MED12L: variants seen among roughly 807,000 people sequenced by gnomAD.
MED12L encodes mediator of RNA polymerase II transcription subunit 12-like protein.
Under a neutral mutation model 281.3 loss-of-function variants are expected in MED12L, and 60 were observed. The observed-to-expected ratio is 0.21, with a 90% CI of 0.17 to 0.26. The LOEUF is 0.26. MED12L is among the 10% of genes least tolerant of loss of function. MED12L has a pLI of 1.00. For missense variants in MED12L, 2,146 were observed against 2,680.9 expected (o/e 0.80, Z 4.41); for synonymous variants, 974 against 987.2 (o/e 0.99, Z 0.25).
chr3:151,389,676 T>G (rs1713926009), intron 37 of MED12L, among the ~76,000 whole-genome samples: 1 of 152,214 alleles, frequency 6.6e-6, no homozygotes, highest in South Asian at 2.1e-4. Context: ...TTTTCAGTGA[T>G]GAGTGTCGTT....
chr3:151,195,425 C>T (rs978934938), intron 16 of MED12L, among the ~76,000 whole-genome samples: 1 of 151,818 alleles, frequency 6.6e-6, no homozygotes, highest in African/African-American at 2.4e-5. Context: ...TATTTTTTTC[C>T]TTATTACAAT....
chr3:151,338,959 T>A, intron 16 of MED12L: 2 of 1,011,002 alleles, frequency 2.0e-6, no homozygotes, highest in Non-Finnish European at 3.0e-6. Flanking sequence ...CCTCTAAAAG[T>A]TGAGGTTTCT....
intron 16 of MED12L, chr3:151,199,209 C>T (rs1186054452): frequency 1.1e-5 from 17 of 1,613,874 alleles, no homozygotes; most frequent in Non-Finnish European, 1.3e-5. Flanking sequence ...AGCAGGAAAT[C>T]GGCTGTAAGC....
chr3:151,086,771 A>G, intron 1 of MED12L, 27 bp from the exon 2 acceptor site: 1 of 590,832 alleles, frequency 1.7e-6, no homozygotes, highest in Non-Finnish European at 3.0e-6. Flanking sequence ...GGCAGCATCC[A>G]ACCTGCTTTA....
chr3:151,093,724 C>A (rs898443339), intron 2 of MED12L, among the ~76,000 whole-genome samples: 5 of 152,224 alleles, frequency 3.3e-5, no homozygotes, highest in African/African-American at 1.2e-4. Flanking sequence ...CTCCCTTCTG[C>A]ATGCACTTGG....
At chr3:151,128,295 C>T (rs537190475) in intron 5 of MED12L, among the ~76,000 whole-genome samples, 1 of 152,334 alleles carries the variant, frequency 6.6e-6, no homozygotes, top group African/African-American at 2.4e-5. Flanking sequence ...AGCCTTCTAG[C>T]AGCTTTCTCT....
At position 151,141,187 on chromosome 3, in the gene MED12L, G is replaced by GTTTTTTTGTTTTTTT. The variant is rs376743895; in HGVS notation, c.556+13210_556+13211insGTTTTTTTTTTTTTT. On this transcript the variant is annotated intron_variant, in intron 5 of 44. Transcript: ENST00000687756. ...TGGCGTTTTTTTTTTTGTTTTTTTT[G>GTTTTTTTGTTTTTTT]TTTTTTTTTTTTTGTTAGTAGAGAC... is the stretch of plus-strand genomic sequence containing the variant. 1.9e-3 allele frequency among the ~76,000 whole-genome samples: 188 copies of GTTTTTTTGTTTTTTT among 99,072 alleles called. 12 individuals are homozygous for GTTTTTTTGTTTTTTT. The highest frequency in any genetic ancestry group is 6.4e-3 in the East Asian group (18 of 2,806). 65.0% of individuals were successfully genotyped at this position (99,072 alleles called of 152,430 possible). A position where few individuals can be genotyped will look rare whatever the true frequency, so the allele number is the denominator to read the frequency against.
At chr3:151,351,056 T>C (rs1203945279) in intron 17 of MED12L, among the ~76,000 whole-genome samples, 1 of 152,220 alleles carries the variant, frequency 6.6e-6, no homozygotes, top group African/African-American at 2.4e-5. Flanking sequence ...GTAAACAACA[T>C]TCTTCCTGCA....
chr3:151,216,699 G>A (rs1728300976), intron 16 of MED12L, among the ~76,000 whole-genome samples: 1 of 152,096 alleles, frequency 6.6e-6, no homozygotes, highest in African/African-American at 2.4e-5. Flanking sequence ...TTGGCTCTGG[G>A]CATGATGGGT....
intron 8 of MED12L, among the ~76,000 whole-genome samples, chr3:151,162,960 C>T (rs563530026): frequency 3.9e-5 from 6 of 152,132 alleles, no homozygotes; most frequent in South Asian, 2.1e-4. Flanking sequence ...GTTATGATGA[C>T]GGAAAGCTTC....
chr3:151,297,114 A>G (rs984696787), intron 16 of MED12L, among the ~76,000 whole-genome samples: 4 of 152,190 alleles, frequency 2.6e-5, no homozygotes, highest in African/African-American at 9.7e-5. Flanking sequence ...TTATATCTGG[A>G]CTAGCCTGTT....
chr3:151,153,083 G>A (rs1429660756), intron 5 of MED12L, among the ~76,000 whole-genome samples: 1 of 152,166 alleles, frequency 6.6e-6, no homozygotes, highest in Non-Finnish European at 1.5e-5. Context: ...CACAATTTTT[G>A]TACTACTAAA....
chr3:151,282,417 T>C (rs569106373), intron 16 of MED12L, among the ~76,000 whole-genome samples: 7 of 152,140 alleles, frequency 4.6e-5, no homozygotes, highest in Non-Finnish European at 7.4e-5. Flanking sequence ...TGTGTGTGTG[T>C]TTTGTATGTG....
At chr3:151,375,767 A>G (rs1266160916) in intron 27 of MED12L, among the ~76,000 whole-genome samples, 1 of 152,154 alleles carries the variant, frequency 6.6e-6, no homozygotes, top group Non-Finnish European at 1.5e-5. Flanking sequence ...TTAAAAACAT[A>G]CTAATATTCT....
chr3:151,387,221 G>GTAAA (rs1713547289), intron 36 of MED12L, among the ~76,000 whole-genome samples: 1 of 150,940 alleles, frequency 6.6e-6, no homozygotes, highest in African/African-American at 2.4e-5. Flanking sequence ...TCTAGAGTCA[G>GTAAA]TAAATATAAG....
chr3:151,396,815 C>A (rs1234451190), intron 39 of MED12L, among the ~76,000 whole-genome samples: 2 of 152,166 alleles, frequency 1.3e-5, no homozygotes, highest in African/African-American at 4.8e-5. Context: ...CCCACTGGGC[C>A]ATTATGGGTA....
At chr3:151,256,815 G>GTTT (rs56702829) in intron 16 of MED12L, among the ~76,000 whole-genome samples, 1 of 118,612 alleles carries the variant, frequency 8.4e-6, no homozygotes, top group African/African-American at 3.3e-5. Context: ...AATCCAGTCT[G>GTTT]TTTTTTTTTT....
intron 26 of MED12L, among the ~76,000 whole-genome samples, chr3:151,369,946 C>T (rs1755976717): frequency 6.6e-6 from 1 of 152,084 alleles, no homozygotes; most frequent in Admixed American, 6.5e-5. Flanking sequence ...GAGCAGAACA[C>T]CAGAAAATCT....
At chr3:151,197,790 T>G (rs1724879193) in intron 16 of MED12L, 1 of 152,664 alleles carries the variant, frequency 6.6e-6, no homozygotes, top group Non-Finnish European at 1.5e-5. Context: ...TATTATAACC[T>G]ACAGGTAGAA....
Sources: gnomAD v4.1 joint callset for allele counts (sites outside exome capture counted in the v4.1 genomes callset) on GRCh38, gnomAD v4.1.1 for gene constraint, MANE v1.5 for transcripts, NCBI Gene and HGNC (gene_info 2026-07-23, HGNC 2026-07-21) for gene names.